The following GTPBP4 variants were observed in gnomAD, a reference collection of about 807,000 sequenced individuals.
GTPBP4 encodes GTP binding protein 4, also known as GTP-binding protein 4.
Under a neutral mutation model 81.7 loss-of-function variants are expected in GTPBP4, and 15 were observed. The observed-to-expected ratio is 0.18, with a 90% CI of 0.12 to 0.28. The LOEUF is 0.28. GTPBP4 is among the 10% of genes least tolerant of loss of function. The pLI is 1.00. For missense variants in GTPBP4, 847 were observed against 793.8 expected, an observed-to-expected ratio of 1.07 and a Z score of -0.81; for synonymous variants, 272 against 274.6, an observed-to-expected ratio of 0.99 and a Z score of 0.09.
chr10:1,015,983 T>TAG, intron 16 of GTPBP4, 87 bp downstream of exon 16: 2 of 1,223,132 alleles, frequency 1.6e-6, no homozygotes, highest in Non-Finnish European at 2.3e-6. Context: ...GCAGTTGCCA[T>TAG]TTGCAGGAAC....
intron 1 of GTPBP4, among the ~76,000 whole-genome samples, chr10:992,122 C>T (rs972956113): frequency 2.7e-5 from 4 of 150,410 alleles, no homozygotes; most frequent in African/African-American, 7.3e-5. Context: ...GTTTCAGGGC[C>T]GGGCGTGGTG....
chr10:997,312 G>T lies in GTPBP4; in HGVS notation c.561+4G>T, dbSNP rs1476580616. 6.6e-7 allele frequency: 1 copy of T among 1,504,120 alleles called. No individual in the cohort carries two copies. The highest frequency in any genetic ancestry group is 1.7e-5 in the Admixed American group (1 of 59,872). 93.2% of individuals were successfully genotyped at this position (1,504,120 alleles called of 1,614,324 possible). A position where few individuals can be genotyped will look rare whatever the true frequency, so the allele number is the denominator to read the frequency against. ...GAAGTCCAGCTTCATCAACAAGGTT[G>T]GTCTGGTTTTTATCGTAAAGCAAAT... On this transcript the variant is annotated splice_donor_region_variant and intron_variant, in intron 5 of 16. Coordinates refer to ENST00000360803, the MANE Select transcript of GTPBP4 (RefSeq NM_012341.3).
At chr10:1,010,335 C>T (rs370177168) in intron 12 of GTPBP4, 85 bp from the exon 13 acceptor site, 56 of 720,988 alleles carry the variant, frequency 7.8e-5, no homozygotes, top group Middle Eastern at 3.8e-4. Flanking sequence ...GTTGATTTGC[C>T]GTCAGTCACA....
At chr10:1,007,206 C>G (rs1831757525) in intron 10 of GTPBP4, 78 bp downstream of exon 10, 1 of 778,934 alleles carries the variant, frequency 1.3e-6, no homozygotes, top group Non-Finnish European at 2.3e-6. Context: ...CCAGAAGCCT[C>G]CCATCCAGCT....
intron 1 of GTPBP4, chr10:988,796 C>T: frequency 2.4e-6 from 1 of 421,634 alleles, no homozygotes. Flanking sequence ...GATGGGGGTA[C>T]ACCCAGAGTT....
At chr10:988,583 C>T (rs1831383422) in intron 1 of GTPBP4, 56 bp downstream of exon 1, 15 of 1,366,614 alleles carry the variant, frequency 1.1e-5, no homozygotes, top group African/African-American at 1.4e-5. Context: ...GCTGGGTCCC[C>T]GGGGAGGGTC....
intron 1 of GTPBP4, among the ~76,000 whole-genome samples, chr10:992,029 T>C (rs1185443568): frequency 6.6e-6 from 1 of 151,412 alleles, no homozygotes. Context: ...TGTTTCAAGA[T>C]GAACAAGGTT....
In GTPBP4 at chr10:1,019,917, T is replaced by A; in HGVS notation, c.*2690T>A. 1 of 1,037,632 alleles carries A rather than the reference T, an allele frequency of 9.6e-7. No homozygotes were observed. The allele number at this position is 1,037,632 out of a possible 1,614,324, so 64.3% of individuals were successfully genotyped here. The stretch of plus-strand genomic sequence containing the variant: ...GAAAAATAGAGAAAATAAACACATT[T>A]GTTTTCCTCAGAAAATGAACACTTT... On this transcript the variant is annotated 3_prime_UTR_variant, in exon 17 of 17. Coordinates refer to ENST00000360803, the MANE Select transcript of GTPBP4 (RefSeq NM_012341.3).
At chr10:1,004,570 C>T (rs913403376) in intron 8 of GTPBP4, among the ~76,000 whole-genome samples, 3 of 152,156 alleles carry the variant, frequency 2.0e-5, no homozygotes, top group Non-Finnish European at 2.9e-5. Context: ...TCAGCATAGA[C>T]GCTGGGATAT....
chr10:1,011,057 T>TTCCTTGGGGGCTCCGCTGTGTCA (rs1831857134), intron 13 of GTPBP4, among the ~76,000 whole-genome samples: 6 of 88,172 alleles, frequency 6.8e-5, no homozygotes, highest in African/African-American at 8.2e-5. Flanking sequence ...GCTGGGCCCT[T>TTCCTTGGGGGCTCCGCTGTGTCA]CATTCTCCTG....
At chr10:1,008,489 G>T (rs1831791910) in intron 10 of GTPBP4, 2 of 310,808 alleles carry the variant, frequency 6.4e-6, no homozygotes, top group Non-Finnish European at 1.3e-5. Context: ...GTTATGTTGT[G>T]AGGGTGGAGG....
At chr10:1,011,765 T>TG (rs1831879470) in intron 13 of GTPBP4, among the ~76,000 whole-genome samples, 1 of 152,216 alleles carries the variant, frequency 6.6e-6, no homozygotes, top group Admixed American at 6.5e-5. Flanking sequence ...TCACCTCTGC[T>TG]GGGGCCCCAG....
In GTPBP4 at chr10:1,019,297, T is replaced by C. The variant is rs770269015; in HGVS notation, c.*2070T>C. The C allele has an allele frequency of 5.8e-6, 3 of 514,960 alleles. No individual in the cohort carries two copies. The highest frequency in any genetic ancestry group is 1.0e-5 in the Non-Finnish European group (3 of 290,656). 31.9% of individuals were successfully genotyped at this position (514,960 alleles called of 1,614,324 possible). On this transcript the variant is annotated 3_prime_UTR_variant, in exon 17 of 17. Transcript: ENST00000360803. ...AAATTGGGACAAAGGAAATGTTAAA[T>C]TTCCTCCCTGCAACCAGGCAGATGA...
chr10:1,005,749 C>A, intron 8 of GTPBP4, 69 bp from the exon 9 acceptor site: 1 of 879,714 alleles, frequency 1.1e-6, no homozygotes, highest in Non-Finnish European at 1.9e-6. Flanking sequence ...ATTTGCAGAA[C>A]TGTACAGTTT....
At chr10:1,009,692 A>C in intron 12 of GTPBP4, 112 bp downstream of exon 12, 2 of 763,412 alleles carry the variant, frequency 2.6e-6, no homozygotes, top group Non-Finnish European at 4.7e-6. Flanking sequence ...CTATTTGTCA[A>C]CTTTTAATTT....
intron 14 of GTPBP4, among the ~76,000 whole-genome samples, chr10:1,013,637 T>G (rs1285417173): frequency 8.5e-5 from 13 of 152,060 alleles, no homozygotes; most frequent in Admixed American, 7.9e-4. Context: ...AAAAAAAATC[T>G]GGACTCTTTA....
chr10:1,010,965 A>C (rs1589030633), intron 13 of GTPBP4, among the ~76,000 whole-genome samples: 4 of 136,222 alleles, frequency 2.9e-5, no homozygotes, highest in East Asian at 2.2e-4. Context: ...ATTCTCCTGC[A>C]CCCCTCCATC....
At position 1,017,388 on chromosome 10, in the gene GTPBP4, G is replaced by A. The variant is rs3763719; in HGVS notation, c.*161G>A. On this transcript the variant is annotated 3_prime_UTR_variant, in exon 17 of 17. Transcript: ENST00000360803. ...AAACTATGGTTAACCCTATATAGGT[G>A]TGGGAAATTTTTGTCACTGCATAAT... is the stretch of plus-strand genomic sequence containing the variant. 7 of 577,930 alleles carry A rather than the reference G, an allele frequency of 1.2e-5. No individual in the cohort carries two copies. In the East Asian group the frequency reaches 2.0e-4, roughly 17 times the overall value. 35.8% of individuals were successfully genotyped at this position (577,930 alleles called of 1,614,324 possible).
chr10:1,009,564 T>C lies in GTPBP4; in HGVS notation c.1227T>C (p.Tyr409=), dbSNP rs575432148. ...TTGAGCTGGAAATGGGAGATGATTA[T>C]ATTTTGGATCTTCAGAGTAAGGGCC... ...RDLELEMGDD[Y]ILDLQKYWDL... Residue 409 remains tyrosine, a synonymous_variant, in exon 12 of 17, where the codon TAT becomes TAC. Coordinates refer to ENST00000360803, the MANE Select transcript of GTPBP4 (RefSeq NM_012341.3). The C allele has an allele frequency of 1.3e-6, 2 of 1,597,252 alleles. No homozygotes were observed. Among genetic ancestry groups the C allele is most frequent in the South Asian group, 1.1e-5 (1 of 90,776 alleles).
Sources: gnomAD v4.1 joint callset for allele counts (sites outside exome capture counted in the v4.1 genomes callset) on GRCh38, gnomAD v4.1.1 for gene constraint, MANE v1.5 for transcripts, NCBI Gene and HGNC (gene_info 2026-07-23, HGNC 2026-07-21) for gene names.